The following PCDH15 variants were observed in gnomAD, a reference collection of about 807,000 sequenced individuals.
The protein encoded by PCDH15 is protocadherin related 15.
PCDH15 carries 129 observed loss-of-function variants against 178.5 expected under a neutral mutation model. The ratio of observed to expected loss-of-function variants is 0.72; its 90% confidence interval spans 0.63 to 0.84. PCDH15 has a LOEUF of 0.84. Ranked by LOEUF, PCDH15 falls within the 40% of genes least tolerant of loss-of-function variation. The probability of loss-of-function intolerance (pLI) is 0.00; values close to 1 mark genes in which losing one functional copy is unlikely to be tolerated. For missense variants in PCDH15, 2,230 were observed against 2,099.9 expected (o/e 1.06, Z -1.21); for synonymous variants, 800 against 732.0 (o/e 1.09, Z -1.50).
intron 15 of PCDH15, among the ~76,000 whole-genome samples, chr10:54,096,457 C>CTTTGCCTG: frequency 1.3e-5 from 2 of 152,220 alleles, no homozygotes; most frequent in South Asian, 4.1e-4. Context: ...TTGTCAGTCT[C>CTTTGCCTG]TCTCTTTGCC....
chr10:54,265,080 A>T (rs2057583317), intron 8 of PCDH15, among the ~76,000 whole-genome samples: 4 of 152,184 alleles, frequency 2.6e-5, no homozygotes, highest in Admixed American at 2.6e-4. Flanking sequence ...GAAACCTTAC[A>T]ATCCAGCAGA....
intron 1 of PCDH15, among the ~76,000 whole-genome samples, chr10:55,259,969 T>C (rs531706664): frequency 2.9e-5 from 2 of 68,534 alleles, no homozygotes; most frequent in Admixed American, 2.8e-4. Flanking sequence ...AAACAGAAAA[T>C]GTAAAGAACT....
At chr10:54,346,942 T>C (rs945371586) in intron 5 of PCDH15, among the ~76,000 whole-genome samples, 2 of 152,170 alleles carry the variant, frequency 1.3e-5, no homozygotes, top group Non-Finnish European at 2.9e-5. Flanking sequence ...GAAAGAGAAA[T>C]TGGAGACAAT....
At chr10:55,037,590 T>A (rs1472934946) in intron 2 of PCDH15, among the ~76,000 whole-genome samples, 1 of 152,208 alleles carries the variant, frequency 6.6e-6, no homozygotes, top group Non-Finnish European at 1.5e-5. Flanking sequence ...GTAAAATGTC[T>A]TTACATATAG....
intron 2 of PCDH15, among the ~76,000 whole-genome samples, chr10:55,038,534 G>A (rs1045089252): frequency 2.6e-5 from 4 of 152,156 alleles, no homozygotes; most frequent in African/African-American, 9.7e-5. Context: ...CATTCAAAAA[G>A]CAGAATTTAA....
chr10:55,502,522 T>G (rs912224913), intron 2 of PCDH15, among the ~76,000 whole-genome samples: 3 of 151,714 alleles, frequency 2.0e-5, no homozygotes, highest in African/African-American at 7.2e-5. Context: ...AAAATATGTC[T>G]TATTGCGCAG....
intron 2 of PCDH15, among the ~76,000 whole-genome samples, chr10:54,653,048 G>A (rs2135231794): frequency 6.6e-6 from 1 of 152,252 alleles, no homozygotes; most frequent in Non-Finnish European, 1.5e-5. Context: ...CATAGGTATT[G>A]TATGCTTTGC....
chr10:54,743,794 A>C (rs7091341), intron 1 of PCDH15, among the ~76,000 whole-genome samples: 129,718 of 151,474 alleles, frequency 0.86, 56,257 homozygotes, highest in Non-Finnish European at 0.93. Flanking sequence ...GTTTTGGGTT[A>C]TAAAATATTA....
intron 8 of PCDH15, among the ~76,000 whole-genome samples, chr10:54,286,800 A>T (rs1421424143): frequency 6.6e-6 from 1 of 151,852 alleles, no homozygotes; most frequent in Non-Finnish European, 1.5e-5. Flanking sequence ...TAATTTTTGT[A>T]TTTTTTTAGT....
intron 2 of PCDH15, among the ~76,000 whole-genome samples, chr10:55,055,656 A>G (rs1841279023): frequency 1.3e-5 from 2 of 151,996 alleles, no homozygotes; most frequent in Admixed American, 1.3e-4. Flanking sequence ...TACAAAAATT[A>G]GCCAGGTGCA....
chr10:54,755,237 T>A (rs67420909), intron 1 of PCDH15, among the ~76,000 whole-genome samples: 14,311 of 152,144 alleles, frequency 0.094, 901 homozygotes, highest in East Asian at 0.14. Flanking sequence ...CAGCCAGGTT[T>A]CCCTTTATGC....
At chr10:54,762,480 T>C (rs1591505576) in intron 1 of PCDH15, among the ~76,000 whole-genome samples, 1 of 152,258 alleles carries the variant, frequency 6.6e-6, no homozygotes, top group East Asian at 1.9e-4. Context: ...TTTTATGGCA[T>C]AGCTGATGAA....
chr10:54,743,594 G>C (rs981003588), intron 1 of PCDH15, among the ~76,000 whole-genome samples: 4 of 151,760 alleles, frequency 2.6e-5, no homozygotes, highest in African/African-American at 9.7e-5. Context: ...GTTTTAATTT[G>C]GCTTCTAAGT....
At chr10:55,085,653 A>AAAG (rs1842150760) in intron 2 of PCDH15, among the ~76,000 whole-genome samples, 1 of 151,802 alleles carries the variant, frequency 6.6e-6, no homozygotes, top group Admixed American at 6.6e-5. Flanking sequence ...CAAAAAAATT[A>AAAG]TTAAACTGTT....
chr10:53,930,309 T>A (rs1589474162), intron 25 of PCDH15, among the ~76,000 whole-genome samples: 1 of 151,148 alleles, frequency 6.6e-6, no homozygotes, highest in African/African-American at 2.4e-5. Context: ...ATAAAAAAAA[T>A]TAGCCAGGCG....
chr10:55,484,790 C>T (rs540207631), intron 2 of PCDH15, among the ~76,000 whole-genome samples: 1 of 151,774 alleles, frequency 6.6e-6, no homozygotes, highest in East Asian at 1.9e-4. Flanking sequence ...GGGGTAAGGG[C>T]AGTCTCTTTA....
chr10:54,203,418 TG>T (rs2050453443), intron 10 of PCDH15, among the ~76,000 whole-genome samples: 1 of 152,196 alleles, frequency 6.6e-6, no homozygotes, highest in Non-Finnish European at 1.5e-5. Flanking sequence ...AATATAGTTT[TG>T]GGTGTAAGCC....
chr10:54,390,777 T>G (rs1225105259), intron 3 of PCDH15, among the ~76,000 whole-genome samples: 1 of 152,188 alleles, frequency 6.6e-6, no homozygotes, highest in Non-Finnish European at 1.5e-5. Flanking sequence ...TGTAAGGCTA[T>G]TAGGCAGAAG....
intron 3 of PCDH15, among the ~76,000 whole-genome samples, chr10:54,463,349 CTAA>C (rs1565341469): frequency 6.6e-6 from 1 of 152,096 alleles, no homozygotes; most frequent in African/African-American, 2.4e-5. Flanking sequence ...TTTACCAACT[CTAA>C]TAATAATAAG....
Sources: allele counts gnomAD v4.1 joint callset (sites outside exome capture counted in the v4.1 genomes callset), GRCh38; gene constraint gnomAD v4.1.1; transcripts MANE v1.5; gene names NCBI Gene and HGNC (gene_info 2026-07-23, HGNC 2026-07-21).